DOP1B: variants seen among roughly 807,000 people sequenced by gnomAD.
The protein encoded by DOP1B is protein DOP1B.
DOP1B carries 174 observed loss-of-function variants against 233.5 expected under a neutral mutation model. That is an observed-to-expected ratio of 0.75 (90% CI 0.66 to 0.85). The LOEUF (loss-of-function observed/expected upper bound fraction) is 0.85, where lower values mean the gene tolerates loss of function less well. DOP1B is among the 40% of genes least tolerant of loss of function. The probability of loss-of-function intolerance (pLI) is 0.00; values close to 1 mark genes in which losing one functional copy is unlikely to be tolerated. For synonymous variants in DOP1B, 1,190 were observed against 1,185.6 expected, an observed-to-expected ratio of 1.00 and a Z score of -0.08; for missense variants, 2,652 against 2,846.6, an observed-to-expected ratio of 0.93 and a Z score of 1.56.
At chr21:36,288,700 T>C in intron 33 of DOP1B, 56 bp from the exon 34 acceptor site, 1 of 1,300,300 alleles carries the variant, frequency 7.7e-7, no homozygotes, top group Non-Finnish European at 1.1e-6. Context: ...TAAAAAAAAA[T>C]ATTTGGGTAG....
chr21:36,191,253 C>T (rs376264558), intron 2 of DOP1B, among the ~76,000 whole-genome samples: 58 of 89,656 alleles, frequency 6.5e-4, no homozygotes, highest in African/African-American at 2.8e-3. Context: ...AAAAACAAGT[C>T]AGAAAAAAAA....
intron 1 of DOP1B, among the ~76,000 whole-genome samples, chr21:36,158,687 C>T (rs887655707): frequency 6.6e-6 from 1 of 151,600 alleles, no homozygotes; most frequent in Non-Finnish European, 1.5e-5. Flanking sequence ...CCTGTAGTCC[C>T]AGCTACTCGG....
intron 4 of DOP1B, 66 bp downstream of exon 4, chr21:36,200,567 G>A: frequency 6.6e-7 from 1 of 1,512,758 alleles, no homozygotes; most frequent in Non-Finnish European, 8.8e-7. Flanking sequence ...GAGGGGGCCG[G>A]GCGCAGTGGC....
intron 9 of DOP1B, among the ~76,000 whole-genome samples, chr21:36,218,605 T>A (rs2066587654): frequency 6.6e-6 from 1 of 152,118 alleles, no homozygotes; most frequent in Non-Finnish European, 1.5e-5. Context: ...AGGCACATCT[T>A]TTGGTTTTGT....
At chr21:36,273,654 T>C (rs1035503792) in intron 27 of DOP1B, among the ~76,000 whole-genome samples, 2 of 152,094 alleles carry the variant, frequency 1.3e-5, no homozygotes, top group Non-Finnish European at 2.9e-5. Flanking sequence ...TTGCAGGCCT[T>C]GGCCACGGGA....
chr21:36,251,328 A>G (rs1232908395), intron 22 of DOP1B, 44 bp downstream of exon 22: 1 of 1,586,372 alleles, frequency 6.3e-7, no homozygotes, highest in East Asian at 2.2e-5. Context: ...TTACTGTGAC[A>G]AAGAAATACC....
chr21:36,208,070 G>A (rs1048879701), intron 4 of DOP1B, among the ~76,000 whole-genome samples: 1 of 152,204 alleles, frequency 6.6e-6, no homozygotes, highest in Non-Finnish European at 1.5e-5. Flanking sequence ...GCGAACAAAT[G>A]CCCGGCCTCA....
Position 36,212,075 on chromosome 21 carries a change from A to G in DOP1B, c.882A>G (p.Arg294=). The G allele has an allele frequency of 6.2e-7, 1 of 1,612,486 alleles. No homozygotes were observed. Among genetic ancestry groups the G allele is most frequent in the South Asian group, 1.1e-5 (1 of 90,878 alleles). Residue 294 remains arginine (R), a synonymous_variant, in exon 7 of 37, where the codon AGA becomes AGG. Transcript: ENST00000691173. The part of the protein sequence containing the change: ...TLLRRDMSLN[R]RLYAWLLGSD... ...TGAGAAGGGACATGTCCCTGAACAG[A>G]AGACTGTATGCATGGTTACTAGGTA...
rs746027031 is a variant in DOP1B at position 36,289,131 on chromosome 21, T to C, written c.6440T>C (p.Ile2147Thr). Reference sequence around the variant, plus strand: ...GGGGAGATACCCCAGAGTGAACTCATCTTGTATTTATCAGCTTGCAAATTC... The same window carrying C: ...GGGGAGATACCCCAGAGTGAACTCACCTTGTATTTATCAGCTTGCAAATTC... ...SVGEIPQSEL[I>T]LYLSACKFLD... Residue 2147 changes from isoleucine to threonine, a missense_variant, in exon 35 of 37, where the codon ATC becomes ACC. Physicochemically the swap from Ile to Thr is moderately conservative, Grantham distance 89. Around this residue, in one of 3 missense-constraint regions of DOP1B, gnomAD observed 2,617 missense variants for 2,794.3 expected, o/e 0.94. Coordinates refer to ENST00000691173, the MANE Select transcript of DOP1B (RefSeq NM_001320714.2). The C allele has an allele frequency of 3.1e-6, 5 of 1,614,120 alleles. No homozygotes were observed. Among genetic ancestry groups the C allele is most frequent in the East Asian group, 2.2e-5 (1 of 44,890 alleles).
At chr21:36,266,997 C>G (rs74363527) in intron 26 of DOP1B, among the ~76,000 whole-genome samples, 2 of 152,162 alleles carry the variant, frequency 1.3e-5, no homozygotes, top group African/African-American at 4.8e-5. Flanking sequence ...TTCCCTCGAG[C>G]GCACCCTTCT....
chr21:36,165,997 G>A (rs1289625119), intron 2 of DOP1B, among the ~76,000 whole-genome samples: 7 of 150,348 alleles, frequency 4.7e-5, no homozygotes, highest in South Asian at 2.1e-4. Context: ...GGTCACAGGC[G>A]TGAGCCACCA....
intron 15 of DOP1B, among the ~76,000 whole-genome samples, chr21:36,236,388 A>G (rs1018804293): frequency 1.3e-5 from 2 of 152,238 alleles, no homozygotes; most frequent in African/African-American, 4.8e-5. Context: ...GGAAGAGTCA[A>G]GTTAGTGGAA....
rs186865571 is a variant in DOP1B at position 36,173,689 on chromosome 21, C to G, written c.138+8818C>G. Among the ~76,000 whole-genome samples, 454 of 152,272 alleles carry G rather than the reference C, an allele frequency of 3.0e-3. 1 individual carries two copies. The highest frequency in any genetic ancestry group is 7.7e-3 in the Admixed American group (118 of 15,290). ...TCATCCGCCTCGGCCTCCCAAAGTG[C>G]TGGGATTACAGGCGTGAGCCGCCGC... On this transcript the variant is annotated intron_variant, in intron 2 of 36. Transcript: ENST00000691173.
rs147200856 is a variant in DOP1B at position 36,230,817 on chromosome 21, G to A, written c.2033G>A (p.Arg678Lys). Reference sequence around the variant, plus strand: ...AGCCTGGCAGCCAATGATTCCAGCAGGAAGAACTCTTGGGAGCCCAAGCCC... The same window carrying A: ...AGCCTGGCAGCCAATGATTCCAGCAAGAAGAACTCTTGGGAGCCCAAGCCC... ...TQSLAANDSS[R>K]KNSWEPKPIT... Residue 678 changes from arginine (R) to lysine (K), a missense_variant, in exon 14 of 37, where the codon AGG becomes AAG. This residue lies in a region of DOP1B where 2,617 missense variants were observed against 2,794.3 expected (regional missense o/e 0.94). Transcript: ENST00000691173. The A allele has an allele frequency of 1.2e-4, 195 of 1,614,150 alleles. No homozygotes were observed. In the African/African-American group the frequency reaches 2.3e-3, roughly 19 times the overall value.
In DOP1B at chr21:36,168,405, C is replaced by T. The variant is rs566907695; in HGVS notation, c.138+3534C>T. On this transcript the variant is annotated intron_variant, in intron 2 of 36. Coordinates refer to ENST00000691173, the MANE Select transcript of DOP1B (RefSeq NM_001320714.2). ...TTAGGAGGGGCATTGCTGGGACATA[C>T]GGAAACGCTATGTTTAACTTACTGA... 4.6e-5 allele frequency among the ~76,000 whole-genome samples: 7 copies of T among 152,218 alleles called. No homozygotes were observed. The East Asian group carries it at 5.8e-4, about 13-fold the overall frequency.
intron 10 of DOP1B, among the ~76,000 whole-genome samples, chr21:36,222,720 AATTATT>A (rs1488174134): frequency 6.6e-6 from 1 of 151,956 alleles, no homozygotes; most frequent in Non-Finnish European, 1.5e-5. Flanking sequence ...GTAGCTCTGA[AATTATT>A]ATTATTTTAT....
Position 36,238,592 on chromosome 21 carries a change from C to T in DOP1B, c.2776-9C>T, listed in dbSNP as rs769378616. 5 of 1,613,634 alleles carry T rather than the reference C, an allele frequency of 3.1e-6. No homozygotes were observed. Among genetic ancestry groups the T allele is most frequent in the Admixed American group, 3.3e-5 (2 of 60,020 alleles). On this transcript the variant is annotated splice_polypyrimidine_tract_variant and intron_variant, in intron 16 of 36. Transcript: ENST00000691173. ...CAAGTTCCTCACTCCCATGTATCTC[C>T]TCATCAAGGGAACAAGGCTGGAAGC...
At chr21:36,240,094 C>A in intron 18 of DOP1B, 139 bp downstream of exon 18, 3 of 1,052,274 alleles carry the variant, frequency 2.9e-6, no homozygotes, top group Admixed American at 3.1e-5. Context: ...GTGAGGACTT[C>A]GGCAATTTAA....
chr21:36,197,229 G>C (rs1220088048), intron 2 of DOP1B, among the ~76,000 whole-genome samples: 1 of 152,082 alleles, frequency 6.6e-6, no homozygotes, highest in African/African-American at 2.4e-5. Context: ...ACTGCACCTG[G>C]CCATATCTGA....
Sources: allele counts gnomAD v4.1 joint callset (sites outside exome capture counted in the v4.1 genomes callset), GRCh38; gene constraint gnomAD v4.1.1; regional missense constraint gnomAD v4.1.1; transcripts MANE v1.5; gene names NCBI Gene and HGNC (gene_info 2026-07-23, HGNC 2026-07-21).